The following ZFHX4 variants were observed in gnomAD, a reference collection of about 807,000 sequenced individuals.
The protein encoded by ZFHX4 is zinc finger homeobox 4.
In ZFHX4, 56 loss-of-function variants were observed where a neutral mutation model predicts 267.6. That is an observed-to-expected ratio of 0.21 (90% CI 0.17 to 0.26). The LOEUF is 0.26. Ranked by LOEUF, ZFHX4 falls within the 10% of genes least tolerant of loss-of-function variation. The pLI is 1.00. For synonymous variants in ZFHX4, 1,778 were observed against 1,665.6 expected (o/e 1.07, Z -1.64); for missense variants, 4,332 against 4,420.0 (o/e 0.98, Z 0.56).
intron 3 of ZFHX4, among the ~76,000 whole-genome samples, chr8:76,710,435 G>A (rs1172141987): frequency 6.6e-6 from 1 of 152,094 alleles, no homozygotes; most frequent in East Asian, 1.9e-4. Context: ...AAATAAAAGT[G>A]GTTCATAAGT....
At chr8:76,847,386 C>A (rs1812390119) in intron 6 of ZFHX4, among the ~76,000 whole-genome samples, 2 of 151,958 alleles carry the variant, frequency 1.3e-5, no homozygotes, top group Non-Finnish European at 2.9e-5. Context: ...TAAGTTCATT[C>A]AAATTCAAAT....
At position 76,808,948 on chromosome 8, in the gene ZFHX4, C is replaced by A. The variant is rs185276103; in HGVS notation, c.3326-24390C>A. ...TCTCTCTCTCTCACACACACACACA[C>A]ACACAAACACACCACACCTTATTTT... On this transcript the variant is annotated intron_variant, in intron 4 of 10. Transcript: ENST00000651372. 7.5e-3 allele frequency among the ~76,000 whole-genome samples: 1,142 copies of A among 151,998 alleles called. 18 individuals are homozygous for A. Among genetic ancestry groups the A allele is most frequent in the African/African-American group, 0.026 (1,062 of 41,444 alleles).
At chr8:76,776,413 C>A (rs978411636) in intron 3 of ZFHX4, among the ~76,000 whole-genome samples, 10 of 152,122 alleles carry the variant, frequency 6.6e-5, no homozygotes, top group African/African-American at 2.4e-4. Context: ...TCAGGCAAAT[C>A]TGGTCGCTGG....
chr8:76,767,047 GT>G (rs1810070431), intron 3 of ZFHX4, among the ~76,000 whole-genome samples: 1 of 71,516 alleles, frequency 1.4e-5, no homozygotes, highest in African/African-American at 1.5e-4. Context: ...ATAAAGGGGT[GT>G]GTGTGTGTGT....
chr8:76,797,886 ATGTGTGTG>A (rs10694486), intron 4 of ZFHX4, among the ~76,000 whole-genome samples: 58 of 140,270 alleles, frequency 4.1e-4, no homozygotes, highest in Non-Finnish European at 7.2e-4. Context: ...GTGTGTCTGT[ATGTGTGTG>A]TGTGTGTGTG....
At chr8:76,847,780 C>T (rs529349387) in intron 6 of ZFHX4, among the ~76,000 whole-genome samples, 1 of 151,522 alleles carries the variant, frequency 6.6e-6, no homozygotes. Context: ...CATCCTTGAC[C>T]TTATTTCTAA....
chr8:76,760,952 A>AG (rs1373655641), intron 3 of ZFHX4, among the ~76,000 whole-genome samples: 7 of 145,110 alleles, frequency 4.8e-5, no homozygotes, highest in African/African-American at 1.8e-4. Context: ...AAAAAAAAAG[A>AG]GAAAAAAAAG....
chr8:76,749,184 T>A (rs1323186946), intron 3 of ZFHX4, among the ~76,000 whole-genome samples: 1 of 152,316 alleles, frequency 6.6e-6, no homozygotes. Context: ...TTCAGTTGAG[T>A]CCTTCCACCA....
At position 76,704,893 on chromosome 8, in the gene ZFHX4, G is replaced by A. The variant is rs746502584; in HGVS notation, c.805G>A (p.Val269Ile). ...NVDLSKFDGC[V>I]SDGKRKPVLM... ...GGACTTGTCCAAATTCGATGGTTGT[G>A]TTAGCGATGGGAAAAGGAAACCTGT... is the stretch of plus-strand genomic sequence containing the variant. Residue 269 changes from valine to isoleucine, a missense_variant, in exon 2 of 11, where the codon GTT becomes ATT. By Grantham distance (29) the Val-to-Ile change is conservative (BLOSUM62 3). Coordinates refer to ENST00000651372, the MANE Select transcript of ZFHX4 (RefSeq NM_024721.5). 18 of 1,614,048 alleles carry A rather than the reference G, an allele frequency of 1.1e-5. No individual in the cohort carries two copies. In the African/African-American group the frequency reaches 2.4e-4, roughly 22 times the overall value.
In ZFHX4 at chr8:76,854,060, C is replaced by T; in HGVS notation, c.7139C>T (p.Ala2380Val). ...TDAAKNAAAP[A>V]ASSGSGTSTP... ...GCAGCTAAAAACGCTGCTGCCCCTGCAGCAAGTTCTGGCTCTGGGACCAGC... is the reference window on the plus strand; with the variant it reads ...GCAGCTAAAAACGCTGCTGCCCCTGTAGCAAGTTCTGGCTCTGGGACCAGC... The change falls in exon 10 of 11, where the codon GCA becomes GTA. Residue 2380 changes from alanine (A) to valine (V), a missense_variant. Coordinates refer to ENST00000651372, the MANE Select transcript of ZFHX4 (RefSeq NM_024721.5). The T allele has an allele frequency of 6.2e-7, 1 of 1,613,954 alleles. No homozygotes were observed. The highest frequency in any genetic ancestry group is 8.5e-7 in the Non-Finnish European group (1 of 1,179,864).
intron 4 of ZFHX4, among the ~76,000 whole-genome samples, chr8:76,811,596 T>C (rs1199604891): frequency 1.3e-5 from 2 of 152,054 alleles, no homozygotes; most frequent in Admixed American, 6.6e-5. Context: ...AGACATTTGG[T>C]TTGGCCTTCT....
chr8:76,839,296 G>A (rs958485591), intron 5 of ZFHX4, among the ~76,000 whole-genome samples: 4 of 152,138 alleles, frequency 2.6e-5, no homozygotes, highest in African/African-American at 9.7e-5. Context: ...ATGTGTATAT[G>A]TAGAGTAACT....
intron 1 of ZFHX4, among the ~76,000 whole-genome samples, chr8:76,692,638 A>G (rs1306672337): frequency 6.6e-6 from 1 of 152,134 alleles, no homozygotes; most frequent in East Asian, 1.9e-4. Flanking sequence ...TAAATTCATG[A>G]TGAGTTAATG....
At chr8:76,711,233 T>C (rs1303281278) in intron 3 of ZFHX4, among the ~76,000 whole-genome samples, 2 of 152,194 alleles carry the variant, frequency 1.3e-5, no homozygotes, top group African/African-American at 4.8e-5. Flanking sequence ...ATTTTGTTAC[T>C]GTTAAGAAAA....
At chr8:76,835,245 A>ATATATG (rs1195708125) in intron 5 of ZFHX4, among the ~76,000 whole-genome samples, 3 of 129,174 alleles carry the variant, frequency 2.3e-5, no homozygotes, top group African/African-American at 6.1e-5. Context: ...ATATATGTAT[A>ATATATG]TATATATATA....
At chr8:76,746,682 A>C (rs2131696686) in intron 3 of ZFHX4, among the ~76,000 whole-genome samples, 1 of 152,062 alleles carries the variant, frequency 6.6e-6, no homozygotes, top group East Asian at 1.9e-4. Flanking sequence ...GTCCAGAAAT[A>C]ACATTTTGCA....
At chr8:76,727,417 T>C (rs1262038060) in intron 3 of ZFHX4, among the ~76,000 whole-genome samples, 1 of 152,190 alleles carries the variant, frequency 6.6e-6, no homozygotes, top group Non-Finnish European at 1.5e-5. Context: ...GCATTATTGC[T>C]GAGAACCTTT....
At chr8:76,863,071 C>T (rs1268123692) in intron 10 of ZFHX4, 23 bp from the exon 11 acceptor site, 2 of 1,485,674 alleles carry the variant, frequency 1.3e-6, no homozygotes, top group African/African-American at 2.8e-5. Context: ...TGACAGTGGC[C>T]ATCTCTCTGT....
chr8:76,854,142 A>G lies in ZFHX4; in HGVS notation c.7221A>G (p.Glu2407=). The change falls in exon 10 of 11, where the codon GAA becomes GAG. Residue 2407 remains glutamate, a synonymous_variant. Transcript: ENST00000651372. ...CTGAGAAGACTTCTCCAAAACCTGAATATCCCGCAGAAAAGCCAAAGCAGA... is the reference window on the plus strand; with the variant it reads ...CTGAGAAGACTTCTCCAAAACCTGAGTATCCCGCAGAAAAGCCAAAGCAGA... ...PEPEKTSPKP[E]YPAEKPKQSD... 1.2e-6 allele frequency: 2 copies of G among 1,611,528 alleles called. No homozygotes were observed. Among genetic ancestry groups the G allele is most frequent in the Non-Finnish European group, 1.7e-6 (2 of 1,178,612 alleles).
Sources: gnomAD v4.1 joint callset for allele counts (sites outside exome capture counted in the v4.1 genomes callset) on GRCh38, gnomAD v4.1.1 for gene constraint, MANE v1.5 for transcripts, NCBI Gene and HGNC (gene_info 2026-07-23, HGNC 2026-07-21) for gene names.